KHDRBS3: variants seen among roughly 807,000 people sequenced by gnomAD.
The protein encoded by KHDRBS3 is KH RNA binding domain containing, signal transduction associated 3.
Under a neutral mutation model 45.6 loss-of-function variants are expected in KHDRBS3, and 23 were observed. The observed-to-expected ratio is 0.50, with a 90% CI of 0.36 to 0.72. The LOEUF (loss-of-function observed/expected upper bound fraction) is 0.72. Ranked by LOEUF, KHDRBS3 falls within the 30% of genes least tolerant of loss-of-function variation. The probability of loss-of-function intolerance (pLI) is 0.00; values close to 1 mark genes in which losing one functional copy is unlikely to be tolerated. For synonymous variants in KHDRBS3, 162 were observed against 156.5 expected (o/e 1.04, Z -0.26); for missense variants, 352 against 424.8 (o/e 0.83, Z 1.51).
intron 5 of KHDRBS3, among the ~76,000 whole-genome samples, chr8:135,579,076 G>A (rs528727437): frequency 1.3e-5 from 2 of 152,170 alleles, no homozygotes; most frequent in South Asian, 2.1e-4. Flanking sequence ...GTATGTGTAG[G>A]GTTTGAGGGG....
intron 6 of KHDRBS3, among the ~76,000 whole-genome samples, chr8:135,585,548 T>C (rs772718279): frequency 2.0e-5 from 3 of 152,192 alleles, no homozygotes; most frequent in Non-Finnish European, 1.5e-5. Flanking sequence ...AGTAGGTCTT[T>C]AGTAAATATT....
chr8:135,557,780 G>T (rs754612872), intron 5 of KHDRBS3, among the ~76,000 whole-genome samples, 193 bp downstream of exon 5: 1 of 152,148 alleles, frequency 6.6e-6, no homozygotes, highest in Non-Finnish European at 1.5e-5. Context: ...GATAGTGCCT[G>T]TGAATAGCTG....
chr8:135,644,421 A>G (rs1350705413), intron 7 of KHDRBS3, among the ~76,000 whole-genome samples: 1 of 152,216 alleles, frequency 6.6e-6, no homozygotes, highest in Non-Finnish European at 1.5e-5. Context: ...CCATGTGGCC[A>G]TGGCTGCTGA....
In KHDRBS3 at chr8:135,469,516, TG is replaced by T. The variant is rs776877247; in HGVS notation, c.88+11563del. Among the ~76,000 whole-genome samples the T allele has an allele frequency of 6.9e-3, 155 of 22,426 alleles. 2 individuals are homozygous for T. Among genetic ancestry groups the T allele is most frequent in the South Asian group, 0.023 (12 of 526 alleles). The allele number at this position is 22,426 out of a possible 152,430, so 14.7% of individuals were successfully genotyped here. ...GTTAGCCAGGATGGTGTTTTTTTTT[TG>T]TTTTGGTTTTTTTTTTTTTTTTTTT... On this transcript the variant is annotated intron_variant, in intron 1 of 8. Coordinates refer to ENST00000355849, the MANE Select transcript of KHDRBS3 (RefSeq NM_006558.3).
intron 1 of KHDRBS3, among the ~76,000 whole-genome samples, chr8:135,493,676 A>G (rs1421465239): frequency 6.6e-6 from 1 of 152,140 alleles, no homozygotes; most frequent in East Asian, 1.9e-4. Context: ...ATATTGCTAG[A>G]TTTCAATTTG....
rs113935956 is a variant in KHDRBS3 at position 135,491,661 on chromosome 8, G to A, written c.89-29576G>A. Among the ~76,000 whole-genome samples, 7 of 152,290 alleles carry A rather than the reference G, an allele frequency of 4.6e-5. 1 individual carries two copies. Among genetic ancestry groups the A allele is most frequent in the African/African-American group, 1.7e-4 (7 of 41,568 alleles). The stretch of plus-strand genomic sequence containing the variant: ...AAGAGAGTTGACATTCATATTCATA[G>A]ATTAGCGCAGTGGTTCTCAGTGTGT... On this transcript the variant is annotated intron_variant, in intron 1 of 8. Coordinates refer to ENST00000355849, the MANE Select transcript of KHDRBS3 (RefSeq NM_006558.3).
intron 1 of KHDRBS3, among the ~76,000 whole-genome samples, chr8:135,487,805 A>G (rs552260755): frequency 4.0e-4 from 61 of 152,304 alleles, no homozygotes; most frequent in Admixed American, 5.2e-4. Context: ...AGAACGTTCA[A>G]TGTGACTAAT....
rs1317860090 is a variant in KHDRBS3 at position 135,475,397 on chromosome 8, C to T, written c.88+17443C>T. 9.2e-5 allele frequency among the ~76,000 whole-genome samples: 7 copies of T among 76,462 alleles called. No homozygotes were observed. The Admixed American group carries it at 1.3e-3, about 14-fold the overall frequency. The allele number at this position is 76,462 out of a possible 152,430, so 50.2% of individuals were successfully genotyped here. ...GTAGATCTCGGCTCACGGCAACTTC[C>T]ACCCCCTGGGTTCAAGCAATTCTCC... On this transcript the variant is annotated intron_variant, in intron 1 of 8. Coordinates refer to ENST00000355849, the MANE Select transcript of KHDRBS3 (RefSeq NM_006558.3).
At chr8:135,521,427 C>T in intron 2 of KHDRBS3, 72 bp downstream of exon 2, 1 of 837,608 alleles carries the variant, frequency 1.2e-6, no homozygotes, top group Non-Finnish European at 2.0e-6. Flanking sequence ...AATTTATATT[C>T]TGTTTGGTGT....
chr8:135,645,789 A>G (rs960211227), intron 8 of KHDRBS3, among the ~76,000 whole-genome samples: 4 of 152,240 alleles, frequency 2.6e-5, no homozygotes, highest in African/African-American at 7.2e-5. Context: ...GCCGCAGGGC[A>G]AGGAGATCAG....
intron 1 of KHDRBS3, among the ~76,000 whole-genome samples, chr8:135,480,330 GA>G: frequency 6.6e-6 from 1 of 152,236 alleles, no homozygotes; most frequent in South Asian, 2.1e-4. Context: ...GATTGGAAAG[GA>G]AAAGGTACAA....
intron 5 of KHDRBS3, 99 bp downstream of exon 5, chr8:135,557,686 A>G (rs1826958507): frequency 5.6e-6 from 5 of 897,570 alleles, no homozygotes; most frequent in Non-Finnish European, 1.8e-6. Context: ...CAAAACTTGT[A>G]TTCATGTGGG....
At chr8:135,466,288 A>G (rs1178663066) in intron 1 of KHDRBS3, among the ~76,000 whole-genome samples, 2 of 152,116 alleles carry the variant, frequency 1.3e-5, no homozygotes, top group Non-Finnish European at 2.9e-5. Context: ...TTCTTCACAC[A>G]TTTCTTCATT....
intron 6 of KHDRBS3, among the ~76,000 whole-genome samples, chr8:135,599,774 A>T (rs1829122952): frequency 2.0e-5 from 3 of 152,242 alleles, no homozygotes; most frequent in Non-Finnish European, 2.9e-5. Flanking sequence ...AGAGAGGGAT[A>T]ATTCAGCCTG....
intron 7 of KHDRBS3, 141 bp from the exon 8 acceptor site, chr8:135,644,918 C>A: frequency 2.4e-6 from 2 of 820,042 alleles, no homozygotes; most frequent in East Asian, 2.6e-5. Context: ...CTTTAGAACT[C>A]TGTGATCTCG....
rs1219299275 is a variant in KHDRBS3 at position 135,497,594 on chromosome 8, A to G, written c.89-23643A>G. ...GAAGGGGGAGTCACAGGCACAAATT[A>G]TAAGGTTATTAGGACAAAAAAAGTA... On this transcript the variant is annotated intron_variant, in intron 1 of 8. Coordinates refer to ENST00000355849, the MANE Select transcript of KHDRBS3 (RefSeq NM_006558.3). 2.6e-5 allele frequency among the ~76,000 whole-genome samples: 4 copies of G among 152,196 alleles called. No individual in the cohort carries two copies. The East Asian group carries it at 7.7e-4, about 29-fold the overall frequency.
At chr8:135,558,254 A>G (rs1348938549) in intron 5 of KHDRBS3, among the ~76,000 whole-genome samples, 1 of 152,116 alleles carries the variant, frequency 6.6e-6, no homozygotes, top group African/African-American at 2.4e-5. Flanking sequence ...CTCTCCTTGG[A>G]TTGGTGATTA....
rs144602123 is a variant in KHDRBS3, at chr8:135,558,146, A to G, written c.611+559A>G. ...ATCCTAAGCACAGTGTGAGACACCAAGTCAGTGCCCACATGCTTGTTGTAA... is the reference window on the plus strand; with the variant it reads ...ATCCTAAGCACAGTGTGAGACACCAGGTCAGTGCCCACATGCTTGTTGTAA... On this transcript the variant is annotated intron_variant, in intron 5 of 8. Coordinates refer to ENST00000355849, the MANE Select transcript of KHDRBS3 (RefSeq NM_006558.3). Among the ~76,000 whole-genome samples the G allele has an allele frequency of 4.6e-3, 708 of 152,334 alleles. 4 individuals are homozygous for G. The highest frequency in any genetic ancestry group is 0.017 in the African/African-American group (687 of 41,584).
chr8:135,513,906 G>A (rs892199205), intron 1 of KHDRBS3, among the ~76,000 whole-genome samples: 2 of 151,170 alleles, frequency 1.3e-5, no homozygotes, highest in Admixed American at 1.3e-4. Context: ...GATTGCTTCT[G>A]TTTGACTCCT....
Sources: gnomAD v4.1 joint callset for allele counts (sites outside exome capture counted in the v4.1 genomes callset) on GRCh38, gnomAD v4.1.1 for gene constraint, MANE v1.5 for transcripts, NCBI Gene and HGNC (gene_info 2026-07-23, HGNC 2026-07-21) for gene names.